The following LINGO2 variants were observed in gnomAD, a reference collection of about 807,000 sequenced individuals.
LINGO2 encodes the protein leucine-rich repeat and immunoglobulin-like domain-containing nogo receptor-interacting protein 2.
In LINGO2, 14 loss-of-function variants were observed where a neutral mutation model predicts 30.6. The ratio of observed to expected loss-of-function variants is 0.46; its 90% CI spans 0.30 to 0.72. The LOEUF is 0.72. LINGO2 is among the 30% of genes least tolerant of loss of function. The pLI is 0.07. For synonymous variants in LINGO2, 317 were observed against 288.5 expected, an observed-to-expected ratio of 1.10 and a Z score of -1.00; for missense variants, 729 against 751.7, an observed-to-expected ratio of 0.97 and a Z score of 0.35.
chr9:28,650,060 C>T (rs1428088948), intron 1 of LINGO2, among the ~76,000 whole-genome samples: 1 of 150,870 alleles, frequency 6.6e-6, no homozygotes, highest in Non-Finnish European at 1.5e-5. Flanking sequence ...ACAACAAACA[C>T]TAGAGAGGTA....
At chr9:27,963,272 T>G (rs1819935520) in intron 5 of LINGO2, among the ~76,000 whole-genome samples, 1 of 152,160 alleles carries the variant, frequency 6.6e-6, no homozygotes, top group Admixed American at 6.6e-5. Flanking sequence ...TTTCGTTTGT[T>G]GAATCAGTAT....
chr9:28,040,431 T>G (rs888117962), intron 4 of LINGO2, among the ~76,000 whole-genome samples: 6 of 151,326 alleles, frequency 4.0e-5, no homozygotes, highest in African/African-American at 9.7e-5. Flanking sequence ...GAAGTTTTTT[T>G]TTTTTTTTTT....
At chr9:28,590,199 A>G (rs1352492086) in intron 1 of LINGO2, among the ~76,000 whole-genome samples, 2 of 152,134 alleles carry the variant, frequency 1.3e-5, no homozygotes, top group Admixed American at 6.5e-5. Flanking sequence ...AACCATAAAA[A>G]CCCTAGAAGA....
At chr9:28,478,487 C>T (rs1426322785) in intron 1 of LINGO2, among the ~76,000 whole-genome samples, 1 of 152,074 alleles carries the variant, frequency 6.6e-6, no homozygotes, top group East Asian at 1.9e-4. Flanking sequence ...ACATAGGTTA[C>T]TCTGATGGTG....
chr9:28,044,566 CAAT>C (rs1454694275), intron 4 of LINGO2, among the ~76,000 whole-genome samples: 1 of 152,040 alleles, frequency 6.6e-6, no homozygotes, highest in East Asian at 1.9e-4. Flanking sequence ...GGCCTTATAA[CAAT>C]ATTTTTTGTT....
the LINGO2 span, among the ~76,000 whole-genome samples, chr9:28,892,624 C>A: frequency 6.6e-6 from 1 of 151,906 alleles, no homozygotes; most frequent in Non-Finnish European, 1.5e-5. Context: ...TTTCTCTTGA[C>A]ATACTCTTAT....
At chr9:29,119,431 G>A in the LINGO2 span, among the ~76,000 whole-genome samples, 36,875 of 150,940 alleles carry the variant, frequency 0.24, 4,659 homozygotes, top group East Asian at 0.44. Flanking sequence ...GAAATTGCTG[G>A]AAAAAAAAGT....
the LINGO2 span, among the ~76,000 whole-genome samples, chr9:29,164,625 G>A: frequency 2.0e-5 from 3 of 152,142 alleles, no homozygotes; most frequent in Non-Finnish European, 2.9e-5. Context: ...ATTACGCAGT[G>A]CAGATTACAG....
chr9:28,879,552 T>G, the LINGO2 span, among the ~76,000 whole-genome samples: 2 of 152,194 alleles, frequency 1.3e-5, no homozygotes, highest in African/African-American at 4.8e-5. Flanking sequence ...ATTTGTGCCT[T>G]TTTTTCCAGT....
intron 3 of LINGO2, among the ~76,000 whole-genome samples, chr9:28,327,957 T>C (rs1262845463): frequency 6.6e-6 from 1 of 152,162 alleles, no homozygotes; most frequent in Non-Finnish European, 1.5e-5. Flanking sequence ...GGAAGAGTTA[T>C]GTGAAAGTAC....
In LINGO2 at chr9:28,585,419, G is replaced by C. The variant is rs138173898; in HGVS notation, c.-365+84781C>G. ...ATTATTAGGGAAGATTATTAATCCA[G>C]ACAGTCCCTAACTTAAAATGGTTCA... On this transcript the variant is annotated intron_variant, in intron 1 of 5. Transcript: ENST00000379992. 5.9e-3 allele frequency among the ~76,000 whole-genome samples: 897 copies of C among 152,084 alleles called. 11 individuals carry two copies. The highest frequency in any genetic ancestry group is 0.021 in the African/African-American group (865 of 41,522).
At chr9:28,799,716 A>C in the LINGO2 span, among the ~76,000 whole-genome samples, 1 of 152,136 alleles carries the variant, frequency 6.6e-6, no homozygotes, top group Admixed American at 6.6e-5. Flanking sequence ...TATGTCACAG[A>C]GTTGTTATGA....
At chr9:28,558,016 G>C (rs1822833290) in intron 1 of LINGO2, among the ~76,000 whole-genome samples, 1 of 115,814 alleles carries the variant, frequency 8.6e-6, no homozygotes, top group African/African-American at 3.3e-5. Context: ...GGAGGGGGGA[G>C]GGATAGCATT....
In LINGO2 at chr9:27,984,625, G is replaced by C. The variant is rs528596055; in HGVS notation, c.-36+27730C>G. Among the ~76,000 whole-genome samples the C allele has an allele frequency of 8.6e-5, 13 of 151,912 alleles. No individual in the cohort carries two copies. In the South Asian group the frequency reaches 2.7e-3, roughly 31 times the overall value. On this transcript the variant is annotated intron_variant, in intron 5 of 5. Transcript: ENST00000379992. ...AATTCTTTCTACTATAGATCACTGA[G>C]AAAATCAGCATAATATTTAATTCAT...
chr9:29,131,310 A>G, the LINGO2 span, among the ~76,000 whole-genome samples: 24 of 152,222 alleles, frequency 1.6e-4, no homozygotes, highest in Admixed American at 1.2e-3. Flanking sequence ...AATCAGCTTA[A>G]TTTTACAACA....
intron 2 of LINGO2, among the ~76,000 whole-genome samples, chr9:28,411,377 T>A (rs867958975): frequency 1.5e-4 from 23 of 152,128 alleles, no homozygotes; most frequent in Non-Finnish European, 2.4e-4. Context: ...ATATACTATC[T>A]TAACCATTTT....
At chr9:29,147,036 C>T in the LINGO2 span, among the ~76,000 whole-genome samples, 17 of 152,164 alleles carry the variant, frequency 1.1e-4, no homozygotes, top group African/African-American at 3.1e-4. Context: ...TGAACATTTG[C>T]TGTAGTTATC....
intron 4 of LINGO2, among the ~76,000 whole-genome samples, chr9:28,247,712 G>A (rs1397639978): frequency 6.6e-6 from 1 of 152,028 alleles, no homozygotes; most frequent in Non-Finnish European, 1.5e-5. Context: ...ATATACCTTT[G>A]TAACACGCCT....
At chr9:28,316,902 A>G (rs1282783661) in intron 3 of LINGO2, among the ~76,000 whole-genome samples, 5 of 152,100 alleles carry the variant, frequency 3.3e-5, no homozygotes, top group African/African-American at 4.8e-5. Context: ...AGAAAGCTCA[A>G]TCTCCATTTT....
Sources: gnomAD v4.1 joint callset for allele counts (sites outside exome capture counted in the v4.1 genomes callset) on GRCh38, gnomAD v4.1.1 for gene constraint, MANE v1.5 for transcripts, NCBI Gene and HGNC (gene_info 2026-07-23, HGNC 2026-07-21) for gene names.